HMGCLL1: variants seen among roughly 807,000 people sequenced by gnomAD.
HMGCLL1 encodes 3-hydroxy-3-methylglutaryl-CoA lyase like 1.
Under a neutral mutation model 39.1 loss-of-function variants are expected in HMGCLL1, and 36 were observed. That is an observed-to-expected ratio of 0.92 (90% CI 0.71 to 1.22). The LOEUF (loss-of-function observed/expected upper bound fraction) is 1.22, where lower values mean the gene tolerates loss of function less well. HMGCLL1 is among the 50% of genes most tolerant of loss of function. The probability of loss-of-function intolerance (pLI) is 0.00; values close to 1 mark genes in which losing one functional copy is unlikely to be tolerated. For synonymous variants in HMGCLL1, 149 were observed against 144.0 expected (o/e 1.03, Z -0.25); for missense variants, 451 against 416.5 (o/e 1.08, Z -0.72).
At chr6:55,585,117 G>T in the HMGCLL1 span, among the ~76,000 whole-genome samples, 1 of 152,004 alleles carries the variant, frequency 6.6e-6, no homozygotes, top group South Asian at 2.1e-4. Context: ...ATTAGCAATA[G>T]AATTGTTCTG....
At chr6:55,624,091 G>A in the HMGCLL1 span, among the ~76,000 whole-genome samples, 1 of 152,092 alleles carries the variant, frequency 6.6e-6, no homozygotes, top group Non-Finnish European at 1.5e-5. Flanking sequence ...TTTCCCCAGT[G>A]CATGCTTACC....
chr6:55,518,667 G>C (rs145822092), intron 3 of HMGCLL1, among the ~76,000 whole-genome samples: 1 of 152,102 alleles, frequency 6.6e-6, no homozygotes. Context: ...ATTAGCCTAC[G>C]CAAAGAGGCC....
chr6:55,624,291 GA>G, the HMGCLL1 span, among the ~76,000 whole-genome samples: 1 of 152,276 alleles, frequency 6.6e-6, no homozygotes, highest in Non-Finnish European at 1.5e-5. Flanking sequence ...GGATTATCAT[GA>G]GTTTAACCAA....
the HMGCLL1 span, among the ~76,000 whole-genome samples, chr6:55,671,671 G>A: frequency 1.3e-5 from 2 of 151,854 alleles, no homozygotes; most frequent in East Asian, 1.9e-4. Flanking sequence ...AAAGAACTAC[G>A]TGGAGTTAGG....
the HMGCLL1 span, among the ~76,000 whole-genome samples, chr6:55,642,774 C>T: frequency 6.6e-6 from 1 of 151,986 alleles, no homozygotes; most frequent in Non-Finnish European, 1.5e-5. Context: ...ATTATTTTTT[C>T]TGACCTTTTC....
the HMGCLL1 span, among the ~76,000 whole-genome samples, chr6:55,608,311 ACT>A: frequency 6.6e-6 from 1 of 152,082 alleles, no homozygotes; most frequent in African/African-American, 2.4e-5. Context: ...CTTGCACTTG[ACT>A]CTGCCAGAGA....
chr6:55,532,026 C>A (rs964920136), intron 3 of HMGCLL1, among the ~76,000 whole-genome samples: 12 of 152,118 alleles, frequency 7.9e-5, no homozygotes, highest in African/African-American at 2.7e-4. Context: ...CTCCCACCTC[C>A]CCGTTTGTGG....
At chr6:55,509,433 C>CT (rs1767327134) in intron 5 of HMGCLL1, among the ~76,000 whole-genome samples, 1 of 151,862 alleles carries the variant, frequency 6.6e-6, no homozygotes, top group South Asian at 2.1e-4. Flanking sequence ...CTGCTATTAT[C>CT]TTCAGGGTCA....
At chr6:55,526,356 A>T (rs1015124238) in intron 3 of HMGCLL1, among the ~76,000 whole-genome samples, 1 of 151,974 alleles carries the variant, frequency 6.6e-6, no homozygotes, top group Non-Finnish European at 1.5e-5. Context: ...CTTACATGAC[A>T]TTCTCAATAA....
Position 55,542,054 on chromosome 6 carries a change from AACTACCTTT to A in HMGCLL1, c.186_189+5del. 1 of 1,571,344 alleles carries A rather than the reference AACTACCTTT, an allele frequency of 6.4e-7. No individual in the cohort carries two copies. The highest frequency in any genetic ancestry group is 8.7e-7 in the Non-Finnish European group (1 of 1,143,350). On this transcript the variant is annotated splice_donor_variant and splice_donor_5th_base_variant and coding_sequence_variant and intron_variant, in exon 2 of 9. Transcript: ENST00000274901. LOFTEE classifies it high-confidence loss of function. ...ACAGCATTTGAAGTAAATGATGTAA[AACTACCTTT>A]TCATTCTGCAATCCATCCCTAGGCC... is the stretch of plus-strand genomic sequence containing the variant.
intron 7 of HMGCLL1, among the ~76,000 whole-genome samples, chr6:55,474,304 A>G (rs1765187253): frequency 6.6e-6 from 1 of 151,608 alleles, no homozygotes; most frequent in South Asian, 2.1e-4. Context: ...ACAATCTGTT[A>G]TGAATTTTTT....
chr6:55,578,907 T>C, intron 1 of HMGCLL1, 41 bp downstream of exon 1: 1 of 1,442,540 alleles, frequency 6.9e-7, no homozygotes, highest in Admixed American at 1.7e-5. Context: ...GCTGTCAGTG[T>C]GCGCATGAGG....
the HMGCLL1 span, among the ~76,000 whole-genome samples, chr6:55,632,295 A>T: frequency 6.6e-6 from 1 of 151,878 alleles, no homozygotes; most frequent in Admixed American, 6.6e-5. Flanking sequence ...ACATCTAAGG[A>T]TTCTTATAAG....
chr6:55,663,193 G>A, the HMGCLL1 span, among the ~76,000 whole-genome samples: 30 of 149,290 alleles, frequency 2.0e-4, 1 homozygote, highest in African/African-American at 5.4e-4. Flanking sequence ...CTTCAGTTCC[G>A]CTCTGATTTT....
At chr6:55,651,922 A>C in the HMGCLL1 span, among the ~76,000 whole-genome samples, 2 of 152,032 alleles carry the variant, frequency 1.3e-5, no homozygotes, top group Admixed American at 1.3e-4. Flanking sequence ...CTCCCTTCCC[A>C]AAGTGCACAG....
intron 5 of HMGCLL1, 116 bp from the exon 6 acceptor site, chr6:55,499,415 T>C: frequency 1.5e-6 from 1 of 681,364 alleles, no homozygotes; most frequent in South Asian, 3.0e-5. Context: ...CACTATTACT[T>C]TATTATTATT....
chr6:55,569,010 GAGT>G (rs990176203), intron 1 of HMGCLL1, among the ~76,000 whole-genome samples: 3 of 152,048 alleles, frequency 2.0e-5, no homozygotes, highest in Non-Finnish European at 4.4e-5. Context: ...CAAGAACACA[GAGT>G]AGGGGGAGGG....
the HMGCLL1 span, among the ~76,000 whole-genome samples, chr6:55,657,485 C>T: frequency 1.3e-5 from 2 of 151,868 alleles, no homozygotes; most frequent in South Asian, 2.1e-4. Flanking sequence ...TCAGGTTTGT[C>T]GAAGATCACA....
At chr6:55,640,430 G>A in the HMGCLL1 span, among the ~76,000 whole-genome samples, 1 of 151,778 alleles carries the variant, frequency 6.6e-6, no homozygotes, top group East Asian at 1.9e-4. Flanking sequence ...AAGACATAGA[G>A]GAGTACATAC....
Sources: gnomAD v4.1 joint callset for allele counts (sites outside exome capture counted in the v4.1 genomes callset) on GRCh38, gnomAD v4.1.1 for gene constraint, MANE v1.5 for transcripts, NCBI Gene and HGNC (gene_info 2026-07-23, HGNC 2026-07-21) for gene names.